The following IMPG1 variants were observed in gnomAD, a reference collection of about 807,000 sequenced individuals.
The protein encoded by IMPG1 is interphotoreceptor matrix proteoglycan of 150 kDa.
Under a neutral mutation model 92.0 loss-of-function variants are expected in IMPG1, and 85 were observed. That is an observed-to-expected ratio of 0.92 (90% CI 0.78 to 1.11). The LOEUF is 1.11. Ranked by LOEUF, IMPG1 falls within the 50% of genes least tolerant of loss-of-function variation. The probability of loss-of-function intolerance (pLI) is 0.00; values close to 1 mark genes in which losing one functional copy is unlikely to be tolerated. For synonymous variants in IMPG1, 367 were observed against 334.1 expected, an observed-to-expected ratio of 1.10 and a Z score of -1.08; for missense variants, 1,022 against 956.0, an observed-to-expected ratio of 1.07 and a Z score of -0.91.
In IMPG1 at chr6:76,034,354, A is replaced by G. The variant is rs774470440; in HGVS notation, c.469-11T>C. Reference sequence around the variant, plus strand: ...TCTCTGTTTTATTCTCTGCAAAAAGATAAAGATAAAATGTAATTTTACCAG... The same window carrying G: ...TCTCTGTTTTATTCTCTGCAAAAAGGTAAAGATAAAATGTAATTTTACCAG... On this transcript the variant is annotated splice_polypyrimidine_tract_variant and intron_variant, in intron 3 of 16. Transcript: ENST00000369950. 8.1e-6 allele frequency: 13 copies of G among 1,611,476 alleles called. No homozygotes were observed. The highest frequency in any genetic ancestry group is 1.0e-5 in the Non-Finnish European group (12 of 1,177,782).
chr6:76,050,995 G>C (rs757082282), intron 1 of IMPG1, among the ~76,000 whole-genome samples: 1 of 152,014 alleles, frequency 6.6e-6, no homozygotes, highest in Non-Finnish European at 1.5e-5. Flanking sequence ...AAATTAGCAC[G>C]ACCAGAGACA....
At chr6:75,924,668 A>ATAT (rs368493350) in intron 15 of IMPG1, among the ~76,000 whole-genome samples, 1 of 10,678 alleles carries the variant, frequency 9.4e-5, no homozygotes, top group African/African-American at 3.6e-4. Flanking sequence ...ATATATAATA[A>ATAT]ATTATATATT....
rs1179555360 is a variant in IMPG1 at position 76,042,126 on chromosome 6, T to C, written c.68A>G (p.Asp23Gly). Residue 23 changes from aspartate (D) to glycine (G), a missense_variant and splice_region_variant, in exon 2 of 17, where the codon GAT becomes GGT. Coordinates refer to ENST00000369950, the MANE Select transcript of IMPG1 (RefSeq NM_001563.4). The part of the protein sequence containing the change: ...WIFLQVQGTK[D>G]ISINIYHSET... ...AGAATGGTATATGTTAATGGAGATA[T>C]CTGTAAAAGAAAGATTGATATCCTG... 2 of 1,445,730 alleles carry C rather than the reference T, an allele frequency of 1.4e-6. No individual in the cohort carries two copies. The highest frequency in any genetic ancestry group is 2.3e-5 in the East Asian group (1 of 44,040). The allele number at this position is 1,445,730 out of a possible 1,614,324, so 89.6% of individuals were successfully genotyped here.
intron 14 of IMPG1, among the ~76,000 whole-genome samples, chr6:75,938,027 C>A (rs936250512): frequency 2.6e-5 from 4 of 152,224 alleles, no homozygotes; most frequent in African/African-American, 9.6e-5. Context: ...GAATACTGAG[C>A]AAGCTGTGAC....
At chr6:75,942,457 C>T (rs558540377) in intron 14 of IMPG1, among the ~76,000 whole-genome samples, 2 of 152,172 alleles carry the variant, frequency 1.3e-5, no homozygotes, top group Admixed American at 6.5e-5. Flanking sequence ...AGGATGGGCA[C>T]TGTTGTGTAT....
At chr6:75,941,174 T>C (rs1392084098) in intron 14 of IMPG1, among the ~76,000 whole-genome samples, 1 of 152,208 alleles carries the variant, frequency 6.6e-6, no homozygotes, top group Non-Finnish European at 1.5e-5. Context: ...TCATGGCAGA[T>C]AATCCATAAA....
At chr6:75,967,221 G>A (rs888538971) in intron 12 of IMPG1, among the ~76,000 whole-genome samples, 3 of 152,034 alleles carry the variant, frequency 2.0e-5, no homozygotes, top group Non-Finnish European at 4.4e-5. Context: ...ATCAAGAAAT[G>A]ATTCAAAATG....
intron 12 of IMPG1, among the ~76,000 whole-genome samples, chr6:75,962,268 C>A (rs1435860547): frequency 6.6e-6 from 1 of 151,944 alleles, no homozygotes; most frequent in African/African-American, 2.4e-5. Flanking sequence ...CATGTGCATG[C>A]ACCACCACAC....
At position 76,059,481 on chromosome 6, in the gene IMPG1, T is replaced by C. The variant is rs75402964; in HGVS notation, c.67+12941A>G. ...CACAGAGCTGAAGGATCTGACCAGC[T>C]ATTCTGAGATCAGTTATGAAAACAG... On this transcript the variant is annotated intron_variant, in intron 1 of 16. Transcript: ENST00000369950. Among the ~76,000 whole-genome samples the C allele has an allele frequency of 7.9e-5, 12 of 152,188 alleles. No individual in the cohort carries two copies. In the East Asian group the frequency reaches 2.1e-3, roughly 27 times the overall value.
chr6:75,922,341 T>G (rs578138470), intron 16 of IMPG1, among the ~76,000 whole-genome samples, 175 bp from the exon 17 acceptor site: 2 of 152,296 alleles, frequency 1.3e-5, no homozygotes, highest in South Asian at 2.1e-4. Flanking sequence ...CTACTAGAAA[T>G]GTACTCCATG....
At chr6:76,029,640 G>T (rs987238755) in intron 4 of IMPG1, among the ~76,000 whole-genome samples, 1 of 152,178 alleles carries the variant, frequency 6.6e-6, no homozygotes, top group African/African-American at 2.4e-5. Context: ...TAGAAATCTG[G>T]ATCAATATTC....
At chr6:75,978,506 C>G (rs1228347260) in intron 12 of IMPG1, among the ~76,000 whole-genome samples, 1 of 152,106 alleles carries the variant, frequency 6.6e-6, no homozygotes, top group Non-Finnish European at 1.5e-5. Flanking sequence ...GCATCTAAAG[C>G]TCAGAAAAAT....
At position 76,022,823 on chromosome 6, in the gene IMPG1, A is replaced by G. The variant is rs187594779; in HGVS notation, c.563-604T>C. On this transcript the variant is annotated intron_variant, in intron 5 of 16. Transcript: ENST00000369950. ...GTTATTATAATACAAATGCATTTCT[A>G]TTTTGTAATAAATTATTATTTAAAA... Among the ~76,000 whole-genome samples the G allele has an allele frequency of 1.4e-3, 211 of 152,330 alleles. 3 individuals carry two copies. Among genetic ancestry groups the G allele is most frequent in the Admixed American group, 0.012 (185 of 15,294 alleles).
At chr6:75,977,414 C>A (rs549222478) in intron 12 of IMPG1, among the ~76,000 whole-genome samples, 119 of 151,886 alleles carry the variant, frequency 7.8e-4, no homozygotes, top group African/African-American at 2.7e-3. Context: ...ATGGAGAAAC[C>A]CCGTTTCTAC....
chr6:75,988,406 T>C (rs1019108163), intron 12 of IMPG1, among the ~76,000 whole-genome samples: 5 of 152,366 alleles, frequency 3.3e-5, no homozygotes, highest in African/African-American at 1.2e-4. Flanking sequence ...GTCTGTTGGC[T>C]GCATAAATGT....
intron 14 of IMPG1, chr6:75,934,777 T>TCCAACTCAA: frequency 3.3e-6 from 1 of 307,270 alleles, no homozygotes; most frequent in Admixed American, 3.8e-5. Context: ...CTCAAGATCG[T>TCCAACTCAA]GCCCTCCGCT....
At chr6:76,059,322 A>G (rs1053026122) in intron 1 of IMPG1, among the ~76,000 whole-genome samples, 1 of 152,116 alleles carries the variant, frequency 6.6e-6, no homozygotes, top group Non-Finnish European at 1.5e-5. Flanking sequence ...ACTTACTACT[A>G]AACTTAGAGT....
In IMPG1 at chr6:76,024,941, G is replaced by A. The variant is rs748679867; in HGVS notation, c.562+253C>T. 5.3e-5 allele frequency: 29 copies of A among 543,852 alleles called. 1 individual carries two copies. Among genetic ancestry groups the A allele is most frequent in the Middle Eastern group, 2.8e-4 (1 of 3,526 alleles). The allele number at this position is 543,852 out of a possible 1,614,324, so 33.7% of individuals were successfully genotyped here. A position where few individuals can be genotyped will look rare whatever the true frequency, so the allele number is the denominator to read the frequency against. On this transcript the variant is annotated intron_variant, in intron 5 of 16. Coordinates refer to ENST00000369950, the MANE Select transcript of IMPG1 (RefSeq NM_001563.4). ...AATAGAAGAAAGAAGGCAGAAAATA[G>A]GCAGTAAATGTTCATGATGGTTGTT...
Position 75,995,637 on chromosome 6 carries a change from A to G in IMPG1, c.1291+7281T>C, listed in dbSNP as rs1035313733. Among the ~76,000 whole-genome samples, 30 of 152,240 alleles carry G rather than the reference A, an allele frequency of 2.0e-4. 1 individual carries two copies. Among genetic ancestry groups the G allele is most frequent in the African/African-American group, 5.8e-4 (24 of 41,462 alleles). ...GAATACTGTGTATTTTATTATTTGTAAATTGTGTTACATATCCTCTGTATC... is the reference window on the plus strand; with the variant it reads ...GAATACTGTGTATTTTATTATTTGTGAATTGTGTTACATATCCTCTGTATC... On this transcript the variant is annotated intron_variant, in intron 12 of 16. Transcript: ENST00000369950.
Sources: allele counts gnomAD v4.1 joint callset (sites outside exome capture counted in the v4.1 genomes callset), GRCh38; gene constraint gnomAD v4.1.1; transcripts MANE v1.5; gene names NCBI Gene and HGNC (gene_info 2026-07-23, HGNC 2026-07-21).